GPRIN3: variants seen among roughly 807,000 people sequenced by gnomAD.
GPRIN3 encodes GPRIN family member 3, also known as G protein-regulated inducer of neurite outgrowth 3.
Under a neutral mutation model 13.7 loss-of-function variants are expected in GPRIN3, and 12 were observed. The ratio of observed to expected loss-of-function variants is 0.87; its 90% CI spans 0.56 to 1.42. The LOEUF is 1.42. Among genes scored for constraint, GPRIN3 ranks in the 40% most tolerant of loss-of-function variants. GPRIN3 has a pLI of 0.00. For missense variants in GPRIN3, 1,009 were observed against 958.7 expected (o/e 1.05, Z -0.69); for synonymous variants, 377 against 372.7 (o/e 1.01, Z -0.13).
intron 1 of GPRIN3, among the ~76,000 whole-genome samples, chr4:89,270,203 G>A (rs761051217): frequency 9.9e-5 from 15 of 152,002 alleles, no homozygotes; most frequent in Non-Finnish European, 1.8e-4. Context: ...GCTTCCCTTT[G>A]TCTAGTGGTG....
intron 1 of GPRIN3, chr4:89,250,502 T>C (rs1723298362): frequency 6.3e-6 from 1 of 159,738 alleles, no homozygotes; most frequent in Non-Finnish European, 1.4e-5. Context: ...AAATAGGTTT[T>C]TCATGTATCT....
chr4:89,248,880 C>A lies in GPRIN3; in HGVS notation c.1231G>T (p.Ala411Ser), dbSNP rs759828351. The change falls in exon 2 of 2, where the codon GCG becomes TCG. Residue 411 changes from alanine (A) to serine (S), a missense_variant. Ala to Ser is a moderately conservative substitution (Grantham distance 99). Coordinates refer to ENST00000609438, the MANE Select transcript of GPRIN3 (RefSeq NM_198281.3). ...STAFQRENKL[A>S]SLPGGVLKTS... ...TTAAGGACCCCACCTGGTAGGCTCG[C>A]AAGTTTATTTTCCCGTTGGAAAGCT... The A allele has an allele frequency of 5.1e-5, 82 of 1,614,034 alleles. No homozygotes were observed. The South Asian group carries it at 6.6e-4, about 13-fold the overall frequency.
intron 1 of GPRIN3, among the ~76,000 whole-genome samples, chr4:89,252,078 T>G (rs1561186919): frequency 2.6e-5 from 4 of 151,888 alleles, no homozygotes; most frequent in Admixed American, 2.0e-4. Flanking sequence ...GCTCAAGCTA[T>G]CTTCCCACCT....
rs761115241 is a variant in GPRIN3 at position 89,248,997 on chromosome 4, G to C, written c.1114C>G (p.Leu372Val). Residue 372 changes from leucine (L) to valine (V), a missense_variant, in exon 2 of 2, where the codon CTC (leucine) becomes GTC (valine). Coordinates refer to ENST00000609438, the MANE Select transcript of GPRIN3 (RefSeq NM_198281.3). ...CHSSGSHTLE[L>V]SDSTLAPQES... The stretch of plus-strand genomic sequence containing the variant: ...TGGGGGGCTAGCGTGCTGTCAGAGA[G>C]CTCCAGTGTGTGGCTCCCACTGCTG... 1.9e-6 allele frequency: 3 copies of C among 1,614,166 alleles called. No homozygotes were observed. The highest frequency in any genetic ancestry group is 2.5e-6 in the Non-Finnish European group (3 of 1,180,020).
At position 89,249,894 on chromosome 4, in the gene GPRIN3, T is replaced by TCTCATG. The variant is rs1295349127; in HGVS notation, c.211_216dup (p.His71_Glu72dup). ...GGAGAAGACATATCTGGTTGGGTGG[T>TCTCATG]CTCATGCTCACAAACCTGCATCAGG... On this transcript the variant is annotated inframe_insertion, in exon 2 of 2. Coordinates refer to ENST00000609438, the MANE Select transcript of GPRIN3 (RefSeq NM_198281.3). The TCTCATG allele has an allele frequency of 6.2e-7, 1 of 1,614,158 alleles. No individual in the cohort carries two copies. Among genetic ancestry groups the TCTCATG allele is most frequent in the Non-Finnish European group, 8.5e-7 (1 of 1,180,014 alleles).
chr4:89,244,790 C>T lies in GPRIN3; in HGVS notation c.*2990G>A, dbSNP rs1723043447. 1 of 152,100 alleles carries T rather than the reference C, an allele frequency of 6.6e-6. No homozygotes were observed. The highest frequency in any genetic ancestry group is 6.6e-5 in the Admixed American group (1 of 15,262). The allele number at this position is 152,100 out of a possible 1,614,324, so 9.4% of individuals were successfully genotyped here. ...TTCCAGACATGGAGTTCTAACTCAC[C>T]TTTTTACTACTGGTTTAAGGAATAT... On this transcript the variant is annotated 3_prime_UTR_variant, in exon 2 of 2. Coordinates refer to ENST00000609438, the MANE Select transcript of GPRIN3 (RefSeq NM_198281.3).
intron 1 of GPRIN3, among the ~76,000 whole-genome samples, chr4:89,286,018 C>T (rs1369845985): frequency 6.6e-6 from 1 of 151,640 alleles, no homozygotes; most frequent in African/African-American, 2.4e-5. Flanking sequence ...AGAACATATC[C>T]TTTTCTTTAA....
intron 1 of GPRIN3, among the ~76,000 whole-genome samples, chr4:89,257,756 G>A (rs72872513): frequency 0.029 from 4,465 of 152,224 alleles, 196 homozygotes; most frequent in African/African-American, 0.096. Context: ...TCATCAGACA[G>A]TAAGAACAGT....
At chr4:89,306,374 G>C (rs1326395017) in intron 1 of GPRIN3, among the ~76,000 whole-genome samples, 4 of 152,108 alleles carry the variant, frequency 2.6e-5, no homozygotes, top group Non-Finnish European at 5.9e-5. Context: ...ACCAACAAGA[G>C]CAAACAAAAG....
At chr4:89,303,610 C>T (rs1247858856) in intron 1 of GPRIN3, among the ~76,000 whole-genome samples, 3 of 123,934 alleles carry the variant, frequency 2.4e-5, no homozygotes, top group African/African-American at 7.9e-5. Flanking sequence ...ACAGTGATTA[C>T]CAGGGTGAAG....
At chr4:89,297,513 C>T (rs1724771773) in intron 1 of GPRIN3, among the ~76,000 whole-genome samples, 1 of 152,122 alleles carries the variant, frequency 6.6e-6, no homozygotes, top group Admixed American at 6.6e-5. Context: ...AATTGAGGCT[C>T]CATCTCTTTT....
At chr4:89,305,176 T>C (rs1725002906) in intron 1 of GPRIN3, among the ~76,000 whole-genome samples, 1 of 152,184 alleles carries the variant, frequency 6.6e-6, no homozygotes, top group African/African-American at 2.4e-5. Context: ...ACACTGTTTT[T>C]CAACCACCTG....
chr4:89,268,857 C>T lies in GPRIN3; in HGVS notation c.-123-18624G>A, dbSNP rs576514651. On this transcript the variant is annotated intron_variant, in intron 1 of 1. Transcript: ENST00000609438. ...TTTGGCAAGCTCTCTAAATTCGGCA[C>T]TTTTCCCCCAGAAAGCCAGTTGTTA... Among the ~76,000 whole-genome samples, 633 of 152,284 alleles carry T rather than the reference C, an allele frequency of 4.2e-3. 6 individuals carry two copies. The highest frequency in any genetic ancestry group is 0.014 in the Middle Eastern group (4 of 294).
intron 1 of GPRIN3, among the ~76,000 whole-genome samples, chr4:89,292,696 T>C (rs780510121): frequency 9.9e-5 from 15 of 152,200 alleles, no homozygotes; most frequent in South Asian, 8.3e-4. Context: ...GCTTCCACCA[T>C]TGGTAAACTC....
At chr4:89,280,036 A>G (rs200807204) in intron 1 of GPRIN3, among the ~76,000 whole-genome samples, 34 of 152,238 alleles carry the variant, frequency 2.2e-4, no homozygotes, top group African/African-American at 7.5e-4. Flanking sequence ...TTCCTTCTTA[A>G]TTATCTCAGT....
At chr4:89,288,877 T>C (rs911835243) in intron 1 of GPRIN3, among the ~76,000 whole-genome samples, 1 of 152,120 alleles carries the variant, frequency 6.6e-6, no homozygotes, top group Non-Finnish European at 1.5e-5. Flanking sequence ...GCTTATTTAC[T>C]CTCCACAACA....
intron 1 of GPRIN3, among the ~76,000 whole-genome samples, chr4:89,288,643 A>T (rs546854943): frequency 3.3e-4 from 51 of 152,324 alleles, no homozygotes; most frequent in African/African-American, 1.1e-3. Flanking sequence ...TGCTCTTGTC[A>T]GAACAGTATG....
intron 1 of GPRIN3, among the ~76,000 whole-genome samples, chr4:89,294,890 C>G (rs1391515760): frequency 6.6e-6 from 1 of 152,192 alleles, no homozygotes; most frequent in Non-Finnish European, 1.5e-5. Flanking sequence ...CAAAGTTTCT[C>G]AAGGACAAAT....
intron 1 of GPRIN3, among the ~76,000 whole-genome samples, chr4:89,255,561 G>A (rs1055267531): frequency 6.6e-6 from 1 of 152,164 alleles, no homozygotes; most frequent in Admixed American, 6.5e-5. Context: ...TTTAGCCAAG[G>A]AGAGGGTTGT....
Sources: gnomAD v4.1 joint callset for allele counts (sites outside exome capture counted in the v4.1 genomes callset) on GRCh38, gnomAD v4.1.1 for gene constraint, MANE v1.5 for transcripts, NCBI Gene and HGNC (gene_info 2026-07-23, HGNC 2026-07-21) for gene names.